Variants in PTPRQ observed in about 807,000 individuals in gnomAD.
The protein encoded by PTPRQ is phosphatidylinositol phosphatase PTPRQ.
Under a neutral mutation model 246.0 loss-of-function variants are expected in PTPRQ, and 199 were observed. That is an observed-to-expected ratio of 0.81 (90% CI 0.72 to 0.91). The LOEUF (loss-of-function observed/expected upper bound fraction) is 0.91, where lower values mean the gene tolerates loss of function less well. Among genes scored for constraint, PTPRQ ranks in the 40% least tolerant of loss-of-function variants. PTPRQ has a pLI of 0.00. For synonymous variants in PTPRQ, 869 were observed against 853.2 expected, an observed-to-expected ratio of 1.02 and a Z score of -0.32; for missense variants, 2,624 against 2,528.4, an observed-to-expected ratio of 1.04 and a Z score of -0.81.
At position 80,479,586 on chromosome 12, in the gene PTPRQ, T is replaced by G. The variant is rs867264027; in HGVS notation, c.1187-4847T>G. ...AATTAAAAGACACAGACTGGCAAATTGGATAAAGAGTCAAGACCCATCAGT... is the reference window on the plus strand; with the variant it reads ...AATTAAAAGACACAGACTGGCAAATGGGATAAAGAGTCAAGACCCATCAGT... On this transcript the variant is annotated intron_variant, in intron 8 of 44. Coordinates refer to ENST00000644991, the MANE Select transcript of PTPRQ (RefSeq NM_001145026.2). 5.8e-3 allele frequency among the ~76,000 whole-genome samples: 837 copies of G among 144,164 alleles called. 9 individuals are homozygous for G. The highest frequency in any genetic ancestry group is 0.022 in the African/African-American group (811 of 37,708). 94.6% of individuals were successfully genotyped at this position (144,164 alleles called of 152,430 possible).
intron 26 of PTPRQ, among the ~76,000 whole-genome samples, chr12:80,594,861 G>A (rs1273510887): frequency 1.3e-5 from 2 of 152,050 alleles, no homozygotes; most frequent in South Asian, 4.2e-4. Context: ...TGGTCTTTCT[G>A]CTCTCATTTT....
intron 24 of PTPRQ, 193 bp downstream of exon 24, chr12:80,546,890 A>C: frequency 5.4e-6 from 3 of 558,666 alleles, no homozygotes; most frequent in Non-Finnish European, 8.5e-6. Context: ...ATATATTTTC[A>C]CACATGGTTT....
At chr12:80,491,072 C>T (rs1216957918) in intron 9 of PTPRQ, among the ~76,000 whole-genome samples, 1 of 151,870 alleles carries the variant, frequency 6.6e-6, no homozygotes, top group Non-Finnish European at 1.5e-5. Flanking sequence ...GAGTCATTCA[C>T]ATAGTCAAAA....
At chr12:80,455,775 T>C (rs908742701) in intron 3 of PTPRQ, among the ~76,000 whole-genome samples, 1 of 151,928 alleles carries the variant, frequency 6.6e-6, no homozygotes, top group Admixed American at 6.5e-5. Flanking sequence ...GTATTTTATT[T>C]TTTTTTAGCA....
chr12:80,481,196 C>A (rs1484769089), intron 8 of PTPRQ, among the ~76,000 whole-genome samples: 1 of 152,144 alleles, frequency 6.6e-6, no homozygotes, highest in African/African-American at 2.4e-5. Context: ...GGGCTTCATC[C>A]CTGGGATGCA....
At chr12:80,479,820 G>A (rs1893968755) in intron 8 of PTPRQ, among the ~76,000 whole-genome samples, 3 of 151,996 alleles carry the variant, frequency 2.0e-5, no homozygotes, top group South Asian at 2.1e-4. Flanking sequence ...TCAACAAGAA[G>A]AGCTAGCCTA....
Position 80,445,702 on chromosome 12 carries a change from A to G in PTPRQ, c.375A>G (p.Thr125=), listed in dbSNP as rs1328350556. 6.5e-7 allele frequency: 1 copy of G among 1,537,884 alleles called. No individual in the cohort carries two copies. Among genetic ancestry groups the G allele is most frequent in the East Asian group, 2.4e-5 (1 of 40,836 alleles). Residue 125 remains threonine, a synonymous_variant, in exon 3 of 45, where the codon ACA becomes ACG. Transcript: ENST00000644991. ...EVLLTNLNPG[T]TYEIKVAAEN... The stretch of plus-strand genomic sequence containing the variant: ...TTCTTACTAATCTTAATCCTGGAAC[A>G]ACATATGAAATTAAGGTAATTATTT...
intron 39 of PTPRQ, among the ~76,000 whole-genome samples, chr12:80,661,179 G>A (rs7954524): frequency 0.47 from 70,175 of 150,864 alleles, 17,601 homozygotes; most frequent in African/African-American, 0.67. Flanking sequence ...AAGAATCTCT[G>A]CTTTTAATGA....
At chr12:80,447,492 G>A (rs1377188682) in intron 3 of PTPRQ, among the ~76,000 whole-genome samples, 1 of 151,938 alleles carries the variant, frequency 6.6e-6, no homozygotes, top group Non-Finnish European at 1.5e-5. Context: ...ATCCAGAAGA[G>A]TTTTACCTAG....
intron 34 of PTPRQ, among the ~76,000 whole-genome samples, chr12:80,634,149 T>C (rs993814310): frequency 1.3e-5 from 2 of 152,190 alleles, no homozygotes; most frequent in Admixed American, 6.5e-5. Flanking sequence ...TTCATGTTTT[T>C]TCTGCATTGA....
chr12:80,673,311 T>A lies in PTPRQ; in HGVS notation c.6738+7T>A, dbSNP rs1192091708. 1 of 1,544,364 alleles carries A rather than the reference T, an allele frequency of 6.5e-7. No individual in the cohort carries two copies. Among genetic ancestry groups the A allele is most frequent in the Non-Finnish European group, 8.7e-7 (1 of 1,143,896 alleles). On this transcript the variant is annotated splice_region_variant and intron_variant, in intron 43 of 44. Coordinates refer to ENST00000644991, the MANE Select transcript of PTPRQ (RefSeq NM_001145026.2). ...GTGCATGGTGCAGAATCTGGTAAGA[T>A]CTCTAAACCTGCACTGCATTCTAAA... is the stretch of plus-strand genomic sequence containing the variant.
At chr12:80,493,895 C>T (rs971714997) in intron 10 of PTPRQ, among the ~76,000 whole-genome samples, 14 of 151,880 alleles carry the variant, frequency 9.2e-5, no homozygotes, top group African/African-American at 2.9e-4. Context: ...GTGACCCCAA[C>T]GATGTGGTGA....
chr12:80,476,187 G>A (rs938547880), intron 8 of PTPRQ, among the ~76,000 whole-genome samples: 16 of 151,802 alleles, frequency 1.1e-4, no homozygotes, highest in African/African-American at 3.9e-4. Context: ...AAAAAGAGAT[G>A]GAATAGGAGC....
chr12:80,480,153 C>T (rs1156258262), intron 8 of PTPRQ, among the ~76,000 whole-genome samples: 1 of 152,062 alleles, frequency 6.6e-6, no homozygotes, highest in Non-Finnish European at 1.5e-5. Context: ...TGTAAAAGAA[C>T]AGAAATTATA....
chr12:80,657,469 T>A (rs1158923799), intron 38 of PTPRQ, among the ~76,000 whole-genome samples: 1 of 151,784 alleles, frequency 6.6e-6, no homozygotes, highest in Admixed American at 6.6e-5. Flanking sequence ...CTAAAAATTT[T>A]ACTGCTGGTA....
chr12:80,495,000 T>G lies in PTPRQ; in HGVS notation c.1608T>G (p.Leu536=). ...AEQLSYVIRR[L]VPFTEHMISV... ...AGCTGTCTTATGTTATCAGGAGACT[T>G]GTACCTTTCACTGAGCACATGATTA... is the stretch of plus-strand genomic sequence containing the variant. Residue 536 remains leucine, a synonymous_variant, in exon 11 of 45, where the codon CTT becomes CTG. Coordinates refer to ENST00000644991, the MANE Select transcript of PTPRQ (RefSeq NM_001145026.2). 1 of 1,550,542 alleles carries G rather than the reference T, an allele frequency of 6.4e-7. No individual in the cohort carries two copies. Among genetic ancestry groups the G allele is most frequent in the South Asian group, 1.2e-5 (1 of 84,042 alleles).
intron 19 of PTPRQ, among the ~76,000 whole-genome samples, chr12:80,537,819 T>C (rs1896032222): frequency 6.6e-6 from 1 of 152,120 alleles, no homozygotes. Context: ...TTTTAAAAAG[T>C]GTTAAATGGG....
At chr12:80,562,681 T>C (rs1425877113) in intron 25 of PTPRQ, among the ~76,000 whole-genome samples, 2 of 151,656 alleles carry the variant, frequency 1.3e-5, no homozygotes, top group Non-Finnish European at 2.9e-5. Context: ...AAAGAGAAAA[T>C]AGACCAATAA....
chr12:80,676,129 C>A (rs187937633), intron 43 of PTPRQ, among the ~76,000 whole-genome samples: 116 of 152,188 alleles, frequency 7.6e-4, no homozygotes, highest in African/African-American at 2.7e-3. Context: ...AGAAAAATGA[C>A]CACCCCTTGC....
Sources: gnomAD v4.1 joint callset for allele counts (sites outside exome capture counted in the v4.1 genomes callset) on GRCh38, gnomAD v4.1.1 for gene constraint, MANE v1.5 for transcripts, NCBI Gene and HGNC (gene_info 2026-07-23, HGNC 2026-07-21) for gene names.